QTRT2: variants seen among roughly 807,000 people sequenced by gnomAD.
QTRT2 encodes queuine tRNA-ribosyltransferase domain containing 1.
QTRT2 carries 32 observed loss-of-function variants against 44.8 expected under a neutral mutation model. That is an observed-to-expected ratio of 0.71 (90% CI 0.54 to 0.96). The LOEUF is 0.96. Ranked by LOEUF, QTRT2 falls within the 40% of genes least tolerant of loss-of-function variation. The pLI, the probability that QTRT2 is intolerant of heterozygous loss-of-function variation, is 0.00. For missense variants in QTRT2, 461 were observed against 503.1 expected (o/e 0.92, Z 0.80); for synonymous variants, 182 against 187.4 (o/e 0.97, Z 0.24).
intron 5 of QTRT2, among the ~76,000 whole-genome samples, chr3:114,069,615 T>G (rs949248472): frequency 1.3e-5 from 2 of 152,226 alleles, no homozygotes; most frequent in African/African-American, 4.8e-5. Flanking sequence ...ATGGTATATA[T>G]GTACCACATT....
chr3:114,065,983 C>T (rs2076948761), intron 3 of QTRT2, among the ~76,000 whole-genome samples: 1 of 152,224 alleles, frequency 6.6e-6, no homozygotes, highest in African/African-American at 2.4e-5. Context: ...GAAGAAAATT[C>T]AAGTATTCTG....
chr3:114,077,312 AAAGT>A (rs1426159827), intron 7 of QTRT2: 3 of 226,958 alleles, frequency 1.3e-5, no homozygotes, highest in Admixed American at 1.0e-4. Context: ...TAAATTGAGG[AAAGT>A]TGAGGACAGA....
intron 6 of QTRT2, among the ~76,000 whole-genome samples, chr3:114,072,815 G>A (rs1454602730): frequency 2.0e-5 from 3 of 152,304 alleles, no homozygotes; most frequent in Middle Eastern, 3.4e-3. Context: ...GTTATGATGG[G>A]GTGAAGATGA....
intron 6 of QTRT2, among the ~76,000 whole-genome samples, chr3:114,073,725 C>G (rs1028595465): frequency 1.3e-5 from 2 of 150,702 alleles, no homozygotes; most frequent in South Asian, 4.2e-4. Flanking sequence ...CTCTCCATAC[C>G]CTTTATTATT....
rs760555414 is a variant in QTRT2, at chr3:114,064,344, G to A, written c.-21-893G>A. On this transcript the variant is annotated intron_variant, in intron 2 of 9. Coordinates refer to ENST00000281273, the MANE Select transcript of QTRT2 (RefSeq NM_024638.4). The stretch of plus-strand genomic sequence containing the variant: ...AAGATATGGTACTTGCTGTAGAGAT[G>A]TAATGAAGTATTTGTAAAATGTTGG... Among the ~76,000 whole-genome samples the A allele has an allele frequency of 1.4e-4, 22 of 152,318 alleles. 1 individual carries two copies. Among genetic ancestry groups the A allele is most frequent in the Non-Finnish European group, 2.5e-4 (17 of 68,028 alleles).
chr3:114,056,875 C>T lies in QTRT2; in HGVS notation c.-130+11C>T. 5 of 1,535,802 alleles carry T rather than the reference C, an allele frequency of 3.3e-6. No homozygotes were observed. In the East Asian group the frequency reaches 9.8e-5, roughly 30 times the overall value. ...ATGGTTTGTTGGCAGGTAAGTGCCC[C>T]TTTGCCCTGCTGGTGTGGGAGCTGC... is the stretch of plus-strand genomic sequence containing the variant. On this transcript the variant is annotated intron_variant, in intron 1 of 9. Coordinates refer to ENST00000281273, the MANE Select transcript of QTRT2 (RefSeq NM_024638.4).
intron 8 of QTRT2, 86 bp downstream of exon 8, chr3:114,080,143 T>G: frequency 9.3e-7 from 1 of 1,078,352 alleles, no homozygotes; most frequent in East Asian, 2.5e-5. Flanking sequence ...CAGAAATATG[T>G]ATATATAAAG....
chr3:114,070,898 T>C, intron 6 of QTRT2, 60 bp downstream of exon 6: 1 of 1,325,730 alleles, frequency 7.5e-7, no homozygotes, highest in Middle Eastern at 2.5e-4. Flanking sequence ...TTACATTCTG[T>C]GATACCACCT....
At chr3:114,061,089 CTG>C (rs1399041641) in intron 2 of QTRT2, among the ~76,000 whole-genome samples, 1 of 152,152 alleles carries the variant, frequency 6.6e-6, no homozygotes, top group Non-Finnish European at 1.5e-5. Context: ...CCATGGGTAA[CTG>C]AAACTGGAAA....
At chr3:114,083,019 GA>G in intron 9 of QTRT2, 3 of 502,266 alleles carry the variant, frequency 6.0e-6, no homozygotes, top group East Asian at 4.3e-5. Context: ...GATTGCTTTA[GA>G]AAAGCTGACA....
At chr3:114,060,869 G>T (rs1458654695) in intron 2 of QTRT2, among the ~76,000 whole-genome samples, 1 of 152,256 alleles carries the variant, frequency 6.6e-6, no homozygotes, top group Admixed American at 6.5e-5. Flanking sequence ...ATACAGTGAC[G>T]GTTGATCTGA....
At position 114,086,016 on chromosome 3, in the gene QTRT2, AG is replaced by A. The variant is rs1373394240; in HGVS notation, c.*114del. 11 of 856,032 alleles carry A rather than the reference AG, an allele frequency of 1.3e-5. No homozygotes were observed. The highest frequency in any genetic ancestry group is 1.8e-5 in the Non-Finnish European group (10 of 542,114). 53.0% of individuals were successfully genotyped at this position (856,032 alleles called of 1,614,324 possible). A position where few individuals can be genotyped will look rare whatever the true frequency, so the allele number is the denominator to read the frequency against. Reference sequence around the variant, plus strand: ...CTTTAATTATTTATATTTGGATATAAGGTCTGCTTAAATAAAGAATCTTTGT... The same window carrying A: ...CTTTAATTATTTATATTTGGATATAAGTCTGCTTAAATAAAGAATCTTTGT... On this transcript the variant is annotated 3_prime_UTR_variant, in exon 10 of 10. Transcript: ENST00000281273.
intron 3 of QTRT2, 48 bp downstream of exon 3, chr3:114,065,505 AG>A (rs768084385): frequency 2.6e-5 from 37 of 1,434,058 alleles, no homozygotes; most frequent in Non-Finnish European, 3.5e-5. Flanking sequence ...GCAGCAGCTT[AG>A]TTACCTTAGG....
chr3:114,081,342 C>T (rs1009074923), intron 8 of QTRT2, among the ~76,000 whole-genome samples: 4 of 152,116 alleles, frequency 2.6e-5, no homozygotes, highest in Non-Finnish European at 4.4e-5. Context: ...TCTGAAGTGT[C>T]AGGGCTTAAA....
chr3:114,070,297 G>T (rs1414558171), intron 5 of QTRT2, among the ~76,000 whole-genome samples: 1 of 152,118 alleles, frequency 6.6e-6, no homozygotes, highest in East Asian at 1.9e-4. Context: ...ATACGGAACT[G>T]TCAGTCAAAA....
At chr3:114,056,924 G>A (rs569985784) in intron 1 of QTRT2, 60 bp downstream of exon 1, 1 of 1,521,914 alleles carries the variant, frequency 6.6e-7, no homozygotes, top group African/African-American at 1.4e-5. Flanking sequence ...GTCACGTCGC[G>A]TCCAGACGCT....
Position 114,085,912 on chromosome 3 carries a change from C to G in QTRT2, c.*8C>G. The G allele has an allele frequency of 6.3e-7, 1 of 1,598,908 alleles. No individual in the cohort carries two copies. The highest frequency in any genetic ancestry group is 8.6e-7 in the Non-Finnish European group (1 of 1,166,376). On this transcript the variant is annotated 3_prime_UTR_variant, in exon 10 of 10. Coordinates refer to ENST00000281273, the MANE Select transcript of QTRT2 (RefSeq NM_024638.4). ...CACAGGCAAGCATCTTGAGATCTTG[C>G]AAATACAAGTCTCACTCTTCACACT...
In QTRT2 at chr3:114,065,353, C is replaced by T. The variant is rs574143280; in HGVS notation, c.96C>T (p.Gly32=). The T allele has an allele frequency of 6.2e-7, 1 of 1,614,098 alleles. No homozygotes were observed. Among genetic ancestry groups the T allele is most frequent in the African/African-American group, 1.3e-5 (1 of 75,022 alleles). The change falls in exon 3 of 10, where the codon GGC becomes GGT. Residue 32 remains glycine (G), a synonymous_variant. Coordinates refer to ENST00000281273, the MANE Select transcript of QTRT2 (RefSeq NM_024638.4). ...GGGACCACACCATGGATATTCCAGG[C>T]TGCCTTCTGTATACCAAGACTGGCT... is the stretch of plus-strand genomic sequence containing the variant. ...KTGDHTMDIP[G]CLLYTKTGSA... is the part of the protein sequence containing the mutation.
chr3:114,077,192 A>G (rs568443397), intron 7 of QTRT2: 1 of 485,560 alleles, frequency 2.1e-6, no homozygotes, highest in African/African-American at 1.9e-5. Context: ...GATCCTCCTA[A>G]GTGAGAGCAA....
Sources: allele counts gnomAD v4.1 joint callset (sites outside exome capture counted in the v4.1 genomes callset), GRCh38; gene constraint gnomAD v4.1.1; transcripts MANE v1.5; gene names NCBI Gene and HGNC (gene_info 2026-07-23, HGNC 2026-07-21).